Variants in EPSTI1 observed in about 807,000 individuals in gnomAD.
EPSTI1 encodes the protein epithelial-stromal interaction protein 1.
A neutral mutation model predicts 49.9 loss-of-function variants in EPSTI1; 66 were observed. The observed-to-expected ratio is 1.32, with a 90% confidence interval of 1.08 to 1.62. The LOEUF (loss-of-function observed/expected upper bound fraction) is 1.62. EPSTI1 is among the 40% of genes most tolerant of loss of function. EPSTI1 has a pLI of 0.00. For synonymous variants in EPSTI1, 137 were observed against 130.7 expected (o/e 1.05, Z -0.33); for missense variants, 394 against 365.5 (o/e 1.08, Z -0.64).
At chr13:42,944,851 G>C (rs2181725) in intron 6 of EPSTI1, among the ~76,000 whole-genome samples, 149,358 of 152,320 alleles carry the variant, frequency 0.98, 73,279 homozygotes, top group East Asian at 1. Flanking sequence ...GGACCTTGTA[G>C]AAACTATAAT....
At chr13:42,894,034 G>C (rs975319484) in intron 10 of EPSTI1, among the ~76,000 whole-genome samples, 1 of 152,294 alleles carries the variant, frequency 6.6e-6, no homozygotes, top group African/African-American at 2.4e-5. Context: ...CATCCAGGCA[G>C]TGTTCTCTGC....
intron 8 of EPSTI1, among the ~76,000 whole-genome samples, chr13:42,911,265 GCGCGCGCACGCGCGCACA>G (rs1345692556): frequency 1.6e-4 from 12 of 74,602 alleles, no homozygotes; most frequent in East Asian, 1.3e-3. Context: ...GTGTGTGTGT[GCGCGCGCACGCGCGCACA>G]CGTGTGTGAG....
At chr13:42,989,349 A>C (rs1220016278) in intron 1 of EPSTI1, among the ~76,000 whole-genome samples, 1 of 152,130 alleles carries the variant, frequency 6.6e-6, no homozygotes, top group Non-Finnish European at 1.5e-5. Context: ...AAAGTAGCTA[A>C]GGATTTTGTT....
At chr13:42,938,752 A>G (rs2038647572) in intron 6 of EPSTI1, among the ~76,000 whole-genome samples, 1 of 151,750 alleles carries the variant, frequency 6.6e-6, no homozygotes, top group African/African-American at 2.4e-5. Context: ...CATCTCTACT[A>G]AAAATACAAG....
intron 6 of EPSTI1, among the ~76,000 whole-genome samples, chr13:42,930,696 G>A (rs1011062939): frequency 3.9e-5 from 6 of 152,036 alleles, no homozygotes; most frequent in South Asian, 2.1e-4. Context: ...ACATAAATAC[G>A]AGTCAGAAAA....
chr13:42,893,349 C>G (rs957489802), intron 10 of EPSTI1, among the ~76,000 whole-genome samples: 1 of 152,142 alleles, frequency 6.6e-6, no homozygotes, highest in African/African-American at 2.4e-5. Flanking sequence ...GAAGATAAAT[C>G]ATAAAGCAAA....
chr13:42,894,770 A>T (rs2037140867), intron 10 of EPSTI1, among the ~76,000 whole-genome samples: 1 of 151,950 alleles, frequency 6.6e-6, no homozygotes, highest in African/African-American at 2.4e-5. Context: ...GCTGAGAACA[A>T]AGGGCAGGTG....
intron 10 of EPSTI1, among the ~76,000 whole-genome samples, chr13:42,891,201 G>A (rs548531418): frequency 1.3e-5 from 2 of 152,068 alleles, no homozygotes; most frequent in Admixed American, 6.5e-5. Context: ...TTTCTATACG[G>A]TCTTTGTCTA....
chr13:42,887,622 C>T lies in EPSTI1; in HGVS notation c.*872G>A, dbSNP rs761741126. ...ACAGCGTAGAAAATCAATGCTCTTACACTCTAGGGTCTGAGAACTGGTTCA... is the reference window on the plus strand; with the variant it reads ...ACAGCGTAGAAAATCAATGCTCTTATACTCTAGGGTCTGAGAACTGGTTCA... On this transcript the variant is annotated 3_prime_UTR_variant, in exon 11 of 11. Coordinates refer to ENST00000313624, the MANE Select transcript of EPSTI1 (RefSeq NM_033255.5). The T allele has an allele frequency of 2.0e-5, 3 of 152,218 alleles. No individual in the cohort carries two copies. Among genetic ancestry groups the T allele is most frequent in the Non-Finnish European group, 4.4e-5 (3 of 68,062 alleles). 9.4% of individuals were successfully genotyped at this position (152,218 alleles called of 1,614,324 possible). A position where few individuals can be genotyped will look rare whatever the true frequency, so the allele number is the denominator to read the frequency against.
chr13:42,938,251 T>C (rs564807740), intron 6 of EPSTI1, among the ~76,000 whole-genome samples: 2 of 152,166 alleles, frequency 1.3e-5, no homozygotes, highest in Admixed American at 6.5e-5. Flanking sequence ...AGGAGATTAG[T>C]GTTGTTTTCA....
intron 1 of EPSTI1, among the ~76,000 whole-genome samples, chr13:42,987,360 A>C (rs546187966): frequency 6.6e-6 from 1 of 151,774 alleles, no homozygotes; most frequent in Admixed American, 6.6e-5. Flanking sequence ...GAAAAAAAAA[A>C]CCACACAACT....
At chr13:42,960,358 G>T (rs1449742726) in intron 5 of EPSTI1, among the ~76,000 whole-genome samples, 1 of 152,132 alleles carries the variant, frequency 6.6e-6, no homozygotes, top group Admixed American at 6.5e-5. Context: ...CACTAAATTT[G>T]GGTGAAATGC....
At position 42,990,056 on chromosome 13, in the gene EPSTI1, A is replaced by C. The variant is rs567093056; in HGVS notation, c.188+1922T>G. 2.8e-4 allele frequency among the ~76,000 whole-genome samples: 43 copies of C among 152,236 alleles called. 1 individual carries two copies. The South Asian group carries it at 8.9e-3, about 32-fold the overall frequency. On this transcript the variant is annotated intron_variant, in intron 1 of 10. Transcript: ENST00000313624. Reference sequence around the variant, plus strand: ...ATTAAAGGAAACAAGTGAGAAAGTGAATCTAAGTAACTAATGGAGATGCAA... The same window carrying C: ...ATTAAAGGAAACAAGTGAGAAAGTGCATCTAAGTAACTAATGGAGATGCAA...
chr13:42,965,129 G>C (rs1445507944), intron 3 of EPSTI1, among the ~76,000 whole-genome samples: 1 of 152,156 alleles, frequency 6.6e-6, no homozygotes, highest in African/African-American at 2.4e-5. Context: ...AGTAAGGAAT[G>C]TTGACATTTT....
intron 3 of EPSTI1, among the ~76,000 whole-genome samples, chr13:42,964,821 C>T (rs2039559364): frequency 6.6e-6 from 1 of 152,210 alleles, no homozygotes; most frequent in Admixed American, 6.5e-5. Flanking sequence ...GCTTGACAAT[C>T]ATCTAAGAAT....
chr13:42,937,068 G>C (rs2038589277), intron 6 of EPSTI1, among the ~76,000 whole-genome samples: 1 of 149,118 alleles, frequency 6.7e-6, no homozygotes. Flanking sequence ...TGCAAAAAAA[G>C]CAAATGAAAT....
chr13:42,963,667 T>C (rs1053214107), intron 4 of EPSTI1: 4 of 328,036 alleles, frequency 1.2e-5, no homozygotes, highest in Non-Finnish European at 2.2e-5. Context: ...TTTTCCTGAT[T>C]ACAAAACTCA....
In EPSTI1 at chr13:42,970,631, C is replaced by T; in HGVS notation, c.228G>A (p.Arg76=). Residue 76 remains arginine (R), a synonymous_variant, in exon 2 of 11, where the codon CGG becomes CGA. Transcript: ENST00000313624. ...ACATACTTCTTTGTATCTCATTTCT[C>T]CGGTTTATATTTGGTGCTATCAAGG... ...AYTLIAPNIN[R]RNEIQRIAEQ... is the part of the protein sequence containing the mutation. 1 of 1,610,326 alleles carries T rather than the reference C, an allele frequency of 6.2e-7. No individual in the cohort carries two copies. The highest frequency in any genetic ancestry group is 8.5e-7 in the Non-Finnish European group (1 of 1,178,890).
chr13:42,906,036 T>C (rs1435225280), intron 8 of EPSTI1, among the ~76,000 whole-genome samples: 2 of 152,088 alleles, frequency 1.3e-5, no homozygotes, highest in Non-Finnish European at 2.9e-5. Flanking sequence ...GGCCAAGTGG[T>C]ATGTGGTAAA....
Sources: gnomAD v4.1 joint callset for allele counts (sites outside exome capture counted in the v4.1 genomes callset) on GRCh38, gnomAD v4.1.1 for gene constraint, MANE v1.5 for transcripts, NCBI Gene and HGNC (gene_info 2026-07-23, HGNC 2026-07-21) for gene names.